The following CLIP2 variants were observed in gnomAD, a reference collection of about 807,000 sequenced individuals.
The protein encoded by CLIP2 is CAP-Gly domain-containing linker protein 2.
In CLIP2, 41 loss-of-function variants were observed where a neutral mutation model predicts 111.7. The ratio of observed to expected loss-of-function variants is 0.37; its 90% CI spans 0.29 to 0.48. The LOEUF is 0.48. Ranked by LOEUF, CLIP2 falls within the 20% of genes least tolerant of loss-of-function variation. The pLI is 0.99. For missense variants in CLIP2, 1,160 were observed against 1,422.1 expected, an observed-to-expected ratio of 0.82 and a Z score of 2.96; for synonymous variants, 660 against 644.2, an observed-to-expected ratio of 1.02 and a Z score of -0.37.
At chr7:74,395,163 CT>C (rs1298999687) in intron 13 of CLIP2, among the ~76,000 whole-genome samples, 96 of 146,256 alleles carry the variant, frequency 6.6e-4, no homozygotes, top group Admixed American at 1.0e-3. Flanking sequence ...TTTTCTTCTT[CT>C]TTTTTTTTTT....
intron 1 of CLIP2, among the ~76,000 whole-genome samples, chr7:74,303,905 C>T (rs556146501): frequency 2.2e-5 from 2 of 92,204 alleles, no homozygotes; most frequent in East Asian, 3.4e-4. Flanking sequence ...GAGTGAGACT[C>T]GGTCTCAAAA....
chr7:74,330,047 G>A (rs1554731084), intron 2 of CLIP2, among the ~76,000 whole-genome samples: 1 of 151,896 alleles, frequency 6.6e-6, no homozygotes, highest in East Asian at 1.9e-4. Flanking sequence ...CCAAAGTGCT[G>A]CAATTACAGA....
intron 13 of CLIP2, 143 bp downstream of exon 13, chr7:74,389,402 TCTC>T (rs1791212177): frequency 1.3e-6 from 1 of 779,832 alleles, no homozygotes; most frequent in East Asian, 2.8e-5. Flanking sequence ...ATCACCCTGC[TCTC>T]CTCTAAGCTC....
chr7:74,391,632 C>T (rs1012260102), intron 13 of CLIP2, among the ~76,000 whole-genome samples: 9 of 151,892 alleles, frequency 5.9e-5, no homozygotes, highest in East Asian at 1.9e-4. Flanking sequence ...CCAGCCTGGT[C>T]AACATGGCGA....
chr7:74,310,498 G>C (rs1458883205), intron 1 of CLIP2, among the ~76,000 whole-genome samples: 1 of 152,014 alleles, frequency 6.6e-6, no homozygotes, highest in Non-Finnish European at 1.5e-5. Context: ...ACTCAGCCTG[G>C]GTGACAGAGT....
At position 74,396,049 on chromosome 7, in the gene CLIP2, C is replaced by T. The variant is rs112515482; in HGVS notation, c.2721-1025C>T. Among the ~76,000 whole-genome samples, 975 of 152,264 alleles carry T rather than the reference C, an allele frequency of 6.4e-3. 11 individuals are homozygous for T. The highest frequency in any genetic ancestry group is 0.022 in the African/African-American group (924 of 41,554). On this transcript the variant is annotated intron_variant, in intron 13 of 16. Coordinates refer to ENST00000223398, the MANE Select transcript of CLIP2 (RefSeq NM_003388.5). ...TGGCCACCTAGTAAGGGAGTTTTCC[C>T]CTCTGTAGTAGTTGCAGGCAAGGGA...
rs782810432 is a variant in CLIP2, at chr7:74,356,499, C to T, written c.893C>T (p.Ala298Val). 1 of 1,614,210 alleles carries T rather than the reference C, an allele frequency of 6.2e-7. No homozygotes were observed. Residue 298 changes from alanine to valine, a missense_variant, in exon 5 of 17, where the codon GCC becomes GTC. Physicochemically the swap from Ala to Val is moderately conservative, Grantham distance 64. This residue lies in a region of CLIP2 where 110 missense variants were observed against 185.2 expected (regional missense o/e 0.59). Coordinates refer to ENST00000223398, the MANE Select transcript of CLIP2 (RefSeq NM_003388.5). ...IGFPSTSPAK[A>V]KKTKRMAMGV... The stretch of plus-strand genomic sequence containing the variant: ...TTCCCATCTACCAGCCCAGCCAAGG[C>T]CAAGAAGACCAAGCGTATGGCCATG...
At chr7:74,332,213 A>G (rs1554731415) in intron 2 of CLIP2, among the ~76,000 whole-genome samples, 1 of 151,938 alleles carries the variant, frequency 6.6e-6, no homozygotes, top group African/African-American at 2.4e-5. Flanking sequence ...AGCTGGGATT[A>G]CAGGTGCCCG....
chr7:74,372,823 C>CCTCT (rs1177268334), intron 8 of CLIP2, 109 bp from the exon 9 acceptor site: 23 of 509,024 alleles, frequency 4.5e-5, no homozygotes, highest in African/African-American at 7.9e-5. Context: ...GATGACGCCT[C>CCTCT]CTCTCTCTCT....
chr7:74,369,533 A>AC (rs1263690693), intron 8 of CLIP2, among the ~76,000 whole-genome samples: 1 of 151,728 alleles, frequency 6.6e-6, no homozygotes. Flanking sequence ...ACAGAGCAAG[A>AC]CCCCATCTCT....
At position 74,375,931 on chromosome 7, in the gene CLIP2, G is replaced by A; in HGVS notation, c.1530G>A (p.Glu510=). ...AEKSRVLQLE[E]ELTLRRGEIE... ...AGTCGCGCGTGCTGCAGCTGGAGGA[G>A]GAGCTCACCCTGCGCCGAGGTGAAA... The change falls in exon 10 of 17, where the codon GAG becomes GAA. Residue 510 remains glutamate (E), a synonymous_variant. Transcript: ENST00000223398. 1.3e-6 allele frequency: 2 copies of A among 1,595,952 alleles called. No individual in the cohort carries two copies. Among genetic ancestry groups the A allele is most frequent in the Non-Finnish European group, 1.7e-6 (2 of 1,172,616 alleles).
chr7:74,351,999 A>G (rs536431761), intron 3 of CLIP2, among the ~76,000 whole-genome samples: 1 of 152,350 alleles, frequency 6.6e-6, no homozygotes, highest in Admixed American at 6.5e-5. Context: ...CAGAGAGGCC[A>G]GCAGCCAGCC....
chr7:74,359,621 C>T (rs1790267475), intron 6 of CLIP2, among the ~76,000 whole-genome samples: 1 of 152,180 alleles, frequency 6.6e-6, no homozygotes. Context: ...TCCCAAAGTG[C>T]TGAGATTACA....
intron 1 of CLIP2, among the ~76,000 whole-genome samples, chr7:74,317,225 A>G (rs994858147): frequency 6.6e-6 from 1 of 152,174 alleles, no homozygotes; most frequent in African/African-American, 2.4e-5. Flanking sequence ...ACTGCACACC[A>G]GGATATAAGA....
At chr7:74,299,468 C>T (rs1402790698) in intron 1 of CLIP2, among the ~76,000 whole-genome samples, 3 of 152,204 alleles carry the variant, frequency 2.0e-5, no homozygotes, top group Non-Finnish European at 4.4e-5. Context: ...GCTGGGCTGC[C>T]CCTCAGGGGC....
At chr7:74,315,022 A>G (rs1788731835) in intron 1 of CLIP2, among the ~76,000 whole-genome samples, 1 of 152,248 alleles carries the variant, frequency 6.6e-6, no homozygotes, top group Non-Finnish European at 1.5e-5. Flanking sequence ...CACGCCTGTA[A>G]TCCCAGCACT....
chr7:74,292,621 C>G (rs1199764208), intron 1 of CLIP2, among the ~76,000 whole-genome samples: 3 of 152,168 alleles, frequency 2.0e-5, no homozygotes, highest in African/African-American at 7.2e-5. Context: ...CTCCTGACCT[C>G]AAGTGATCCG....
At chr7:74,301,108 T>C (rs1584305311) in intron 1 of CLIP2, among the ~76,000 whole-genome samples, 1 of 152,354 alleles carries the variant, frequency 6.6e-6, no homozygotes, top group Non-Finnish European at 1.5e-5. Flanking sequence ...TTTCAGGCTT[T>C]TGAATAATAG....
intron 1 of CLIP2, among the ~76,000 whole-genome samples, chr7:74,304,746 G>T (rs1398058992): frequency 1.3e-5 from 2 of 152,024 alleles, no homozygotes; most frequent in Non-Finnish European, 2.9e-5. Flanking sequence ...TTGAAGCCAG[G>T]AGTTCAAGAC....
Sources: gnomAD v4.1 joint callset for allele counts (sites outside exome capture counted in the v4.1 genomes callset) on GRCh38, gnomAD v4.1.1 for gene constraint, gnomAD v4.1.1 regional missense constraint, MANE v1.5 for transcripts, NCBI Gene and HGNC (gene_info 2026-07-23, HGNC 2026-07-21) for gene names.